Variants in SPON1 observed in about 807,000 individuals in gnomAD.
The protein encoded by SPON1 is spondin 1, also known as spondin-1.
Under a neutral mutation model 111.7 loss-of-function variants are expected in SPON1, and 52 were observed. The observed-to-expected ratio is 0.47, with a 90% confidence interval of 0.37 to 0.59. The LOEUF is 0.59. Ranked by LOEUF, SPON1 falls within the 20% of genes least tolerant of loss-of-function variation. The pLI is 0.00. For missense variants in SPON1, 957 were observed against 1,068.5 expected (o/e 0.90, Z 1.46); for synonymous variants, 410 against 395.8 (o/e 1.04, Z -0.43).
At position 14,160,871 on chromosome 11, in the gene SPON1, T is replaced by A. The variant is rs868908714; in HGVS notation, c.825+25303T>A. On this transcript the variant is annotated intron_variant, in intron 6 of 15. Transcript: ENST00000576479. Reference sequence around the variant, plus strand: ...TATATTTATATATATTTATATATTTTTATATTTTTATATATTTATATATAT... The same window carrying A: ...TATATTTATATATATTTATATATTTATATATTTTTATATATTTATATATAT... Among the ~76,000 whole-genome samples, 19 of 28,996 alleles carry A rather than the reference T, an allele frequency of 6.6e-4. 5 individuals carry two copies. Among genetic ancestry groups the A allele is most frequent in the African/African-American group, 1.2e-3 (9 of 7,388 alleles). 19.0% of individuals were successfully genotyped at this position (28,996 alleles called of 152,430 possible). A position where few individuals can be genotyped will look rare whatever the true frequency, so the allele number is the denominator to read the frequency against.
chr11:14,205,635 C>G (rs1358144218), intron 6 of SPON1, among the ~76,000 whole-genome samples: 3 of 152,006 alleles, frequency 2.0e-5, no homozygotes, highest in African/African-American at 4.8e-5. Flanking sequence ...TGCTGAAAGC[C>G]CATGGACAAC....
Position 13,962,873 on chromosome 11 carries a change from G to C in SPON1, c.-32G>C. ...GGCAGGAGTCGCGTGGCGAAGGCCT[G>C]CGGCCGCGGCACAAAGTTGGGGGCC... On this transcript the variant is annotated 5_prime_UTR_variant, in exon 1 of 16. Transcript: ENST00000576479. The C allele has an allele frequency of 7.0e-7, 1 of 1,431,106 alleles. No individual in the cohort carries two copies. The highest frequency in any genetic ancestry group is 9.1e-7 in the Non-Finnish European group (1 of 1,098,846). The allele number at this position is 1,431,106 out of a possible 1,614,324, so 88.7% of individuals were successfully genotyped here.
chr11:13,966,716 A>C (rs1848020395), intron 1 of SPON1, among the ~76,000 whole-genome samples: 1 of 152,202 alleles, frequency 6.6e-6, no homozygotes, highest in South Asian at 2.1e-4. Flanking sequence ...TGGACACCTC[A>C]GCCTGGTGGA....
chr11:14,092,972 A>G (rs532196881), intron 5 of SPON1, among the ~76,000 whole-genome samples: 1 of 152,290 alleles, frequency 6.6e-6, no homozygotes, highest in South Asian at 2.1e-4. Context: ...AAAAATTAGT[A>G]TCTTATACAC....
Position 14,118,401 on chromosome 11 carries a change from T to C in SPON1, c.677-17019T>C, listed in dbSNP as rs117920142. ...GCTCTTTCTGGATATATAATTGCAGTGTTACTTGTCAGTGCATAATAAACC... is the reference window on the plus strand; with the variant it reads ...GCTCTTTCTGGATATATAATTGCAGCGTTACTTGTCAGTGCATAATAAACC... On this transcript the variant is annotated intron_variant, in intron 5 of 15. Transcript: ENST00000576479. 8.3e-3 allele frequency among the ~76,000 whole-genome samples: 1,271 copies of C among 152,286 alleles called. 14 individuals carry two copies. The highest frequency in any genetic ancestry group is 0.024 in the Middle Eastern group (7 of 294).
At chr11:13,999,952 T>C (rs1259506973) in intron 2 of SPON1, among the ~76,000 whole-genome samples, 1 of 152,176 alleles carries the variant, frequency 6.6e-6, no homozygotes, top group Non-Finnish European at 1.5e-5. Context: ...TTCCCATCCT[T>C]CTACCAGGTG....
At chr11:14,223,646 G>A (rs912587113) in intron 6 of SPON1, among the ~76,000 whole-genome samples, 1 of 152,100 alleles carries the variant, frequency 6.6e-6, no homozygotes, top group Non-Finnish European at 1.5e-5. Flanking sequence ...GAAAACTGGG[G>A]CATACCCCCT....
Position 13,963,003 on chromosome 11 carries a change from C to T in SPON1, c.99C>T (p.Thr33=), listed in dbSNP as rs1554907660. 3.1e-6 allele frequency: 5 copies of T among 1,594,622 alleles called. No homozygotes were observed. The highest frequency in any genetic ancestry group is 4.3e-6 in the Non-Finnish European group (5 of 1,171,680). ...CGGCGCTGGCCTTCTCCGACGAGAC[C>T]CTGGACAAAGTGCCCAAGTCAGAGG... ...LAAALAFSDE[T]LDKVPKSEGY... Residue 33 remains threonine, a synonymous_variant, in exon 1 of 16, where the codon ACC becomes ACT. Transcript: ENST00000576479.
At chr11:14,067,002 A>G (rs550556490) in intron 3 of SPON1, among the ~76,000 whole-genome samples, 1 of 152,140 alleles carries the variant, frequency 6.6e-6, no homozygotes, top group Non-Finnish European at 1.5e-5. Context: ...GCAAGACCCC[A>G]TCTATACCAA....
intron 5 of SPON1, among the ~76,000 whole-genome samples, chr11:14,103,617 GTC>G (rs1341598295): frequency 2.0e-5 from 3 of 152,270 alleles, no homozygotes; most frequent in Non-Finnish European, 4.4e-5. Flanking sequence ...TTATTTCAGT[GTC>G]TCTGTTAGTT....
rs577778057 is a variant in SPON1 at position 14,236,783 on chromosome 11, G to A, written c.826-6549G>A. 3.1e-4 allele frequency among the ~76,000 whole-genome samples: 47 copies of A among 150,748 alleles called. 1 individual carries two copies. The highest frequency in any genetic ancestry group is 2.1e-3 in the Admixed American group (31 of 15,084). On this transcript the variant is annotated intron_variant, in intron 6 of 15. Coordinates refer to ENST00000576479, the MANE Select transcript of SPON1 (RefSeq NM_006108.4). ...AGGAGAAAGCTTTTCAAGGCAGAGG[G>A]AGTGAGTGACCAGCTGTGTCAAATA...
chr11:14,183,353 A>G (rs1848254395), intron 6 of SPON1, among the ~76,000 whole-genome samples: 1 of 152,196 alleles, frequency 6.6e-6, no homozygotes, highest in African/African-American at 2.4e-5. Flanking sequence ...CTGCTTAGCA[A>G]TGTTCATGGA....
At chr11:14,262,431 A>G (rs1253477288) in intron 14 of SPON1, 1 of 488,678 alleles carries the variant, frequency 2.0e-6, no homozygotes, top group Non-Finnish European at 3.7e-6. Flanking sequence ...GCAGGGCAAG[A>G]GGCTCTGAAC....
At chr11:14,193,578 A>C (rs904044459) in intron 6 of SPON1, among the ~76,000 whole-genome samples, 20 of 152,140 alleles carry the variant, frequency 1.3e-4, no homozygotes, top group African/African-American at 4.8e-4. Flanking sequence ...ACTCACATTC[A>C]ATGTCACTTT....
intron 15 of SPON1, among the ~76,000 whole-genome samples, chr11:14,264,258 G>A (rs1849231344): frequency 6.6e-6 from 1 of 152,128 alleles, no homozygotes; most frequent in Non-Finnish European, 1.5e-5. Flanking sequence ...TGATTCTGTA[G>A]GTGGTTTTAA....
In SPON1 at chr11:14,172,334, C is replaced by T. The variant is rs1373532037; in HGVS notation, c.825+36766C>T. ...TGCAACCCCTGCCTTTTTTTGTTTT[C>T]CATTTGCTTGGTAGATCTTCCTCCA... On this transcript the variant is annotated intron_variant, in intron 6 of 15. Coordinates refer to ENST00000576479, the MANE Select transcript of SPON1 (RefSeq NM_006108.4). Among the ~76,000 whole-genome samples the T allele has an allele frequency of 3.2e-4, 48 of 151,338 alleles. 1 individual carries two copies. Among genetic ancestry groups the T allele is most frequent in the African/African-American group, 1.0e-3 (42 of 41,370 alleles).
At chr11:14,079,749 C>A in intron 4 of SPON1, 150 bp from the exon 5 acceptor site, 1 of 736,160 alleles carries the variant, frequency 1.4e-6, no homozygotes, top group Non-Finnish European at 2.2e-6. Context: ...CTTTATTGCC[C>A]AAGTACTGAT....
intron 5 of SPON1, among the ~76,000 whole-genome samples, chr11:14,098,117 T>C (rs1172084423): frequency 3.3e-5 from 5 of 152,184 alleles, no homozygotes; most frequent in African/African-American, 1.2e-4. Context: ...TGCCTCAGCC[T>C]CCCCACTAGC....
rs7929771 is a variant in SPON1 at position 14,008,177 on chromosome 11, A to T, written c.345+25224A>T. ...AAAATACAGTATAACAACTATTTACAAAGTATTACATCACATTAGATATTA... is the reference window on the plus strand; with the variant it reads ...AAAATACAGTATAACAACTATTTACTAAGTATTACATCACATTAGATATTA... On this transcript the variant is annotated intron_variant, in intron 2 of 15. Transcript: ENST00000576479. Among the ~76,000 whole-genome samples the T allele has an allele frequency of 5.3e-3, 801 of 152,348 alleles. 9 individuals are homozygous for T. Among genetic ancestry groups the T allele is most frequent in the African/African-American group, 0.018 (741 of 41,570 alleles).
Sources: allele counts gnomAD v4.1 joint callset (sites outside exome capture counted in the v4.1 genomes callset), GRCh38; gene constraint gnomAD v4.1.1; transcripts MANE v1.5; gene names NCBI Gene and HGNC (gene_info 2026-07-23, HGNC 2026-07-21).